The following BRCA2 variants were observed in gnomAD, a reference collection of about 807,000 sequenced individuals.
BRCA2 encodes the protein breast cancer type 2 susceptibility protein.
A neutral mutation model predicts 276.7 loss-of-function variants in BRCA2; 203 were observed. The ratio of observed to expected loss-of-function variants is 0.73; its 90% confidence interval spans 0.65 to 0.82. The LOEUF (loss-of-function observed/expected upper bound fraction) is 0.82, where lower values mean the gene tolerates loss of function less well. BRCA2 is among the 40% of genes least tolerant of loss of function. The pLI is 0.00. For missense variants in BRCA2, 3,920 were observed against 3,915.0 expected, an observed-to-expected ratio of 1.00 and a Z score of -0.03; for synonymous variants, 1,289 against 1,338.4, an observed-to-expected ratio of 0.96 and a Z score of 0.81.
intron 22 of BRCA2, 68 bp from the exon 23 acceptor site, chr13:32,379,682 A>G (rs1351160583): frequency 1.3e-6 from 2 of 1,562,756 alleles, no homozygotes; most frequent in African/African-American, 1.4e-5. Context: ...ATCTGTATTT[A>G]TTTTGAAACA....
In BRCA2 at chr13:32,399,885, C is replaced by A. The variant is rs1148320; in HGVS notation, c.*1115C>A. The A allele has an allele frequency of 1, 151,918 of 152,050 alleles. 75,893 individuals are homozygous for A. Among genetic ancestry groups the A allele is most frequent in the Middle Eastern group, 1 (294 of 294 alleles). 9.4% of individuals were successfully genotyped at this position (152,050 alleles called of 1,614,324 possible). ...CTGCAGCCTCCACTTCCCGGGTTCA[C>A]GTAATTCTCCCACCTCAAGCCTCCC... On this transcript the variant is annotated 3_prime_UTR_variant, in exon 27 of 27. Coordinates refer to ENST00000380152, the MANE Select transcript of BRCA2 (RefSeq NM_000059.4).
intron 11 of BRCA2, among the ~76,000 whole-genome samples, chr13:32,343,143 C>T (rs1266506943): frequency 6.6e-6 from 1 of 151,900 alleles, no homozygotes; most frequent in Non-Finnish European, 1.5e-5. Flanking sequence ...CATTATGTGG[C>T]AAATGACTGC....
At chr13:32,325,024 A>G (rs564490783) in intron 3 of BRCA2, 52 bp from the exon 4 acceptor site, 45 of 1,310,934 alleles carry the variant, frequency 3.4e-5, no homozygotes, top group African/African-American at 8.8e-5. Flanking sequence ...AAAGAATGCA[A>G]ATTTATAATC....
intron 13 of BRCA2, among the ~76,000 whole-genome samples, chr13:32,348,535 A>G (rs1331054994): frequency 6.6e-6 from 1 of 152,200 alleles, no homozygotes; most frequent in Non-Finnish European, 1.5e-5. Context: ...TGTAGATCTT[A>G]TATAATACAG....
In BRCA2 at chr13:32,355,030, A is replaced by G. The variant is rs80358945; in HGVS notation, c.7177A>G (p.Met2393Val). The change falls in exon 14 of 27, where the codon ATG becomes GTG. Residue 2393 changes from methionine (M) to valine (V), a missense_variant. Physicochemically the swap from Met to Val is conservative, Grantham distance 21. Coordinates refer to ENST00000380152, the MANE Select transcript of BRCA2 (RefSeq NM_000059.4). ...YQVSATRNEK[M>V]RHLITTGRPT... ...AGTTTCTGCTACAAGAAATGAAAAA[A>G]TGAGACACTTGATTACTACAGGCAG... The G allele has an allele frequency of 3.1e-6, 5 of 1,614,072 alleles. No homozygotes were observed. Among genetic ancestry groups the G allele is most frequent in the Middle Eastern group, 1.7e-4 (1 of 6,060 alleles).
chr13:32,328,700 A>G (rs780099613), intron 7 of BRCA2, among the ~76,000 whole-genome samples: 22 of 152,224 alleles, frequency 1.4e-4, no homozygotes, highest in Non-Finnish European at 2.6e-4. Context: ...ACTTCAGGTA[A>G]ACAGCGAATA....
rs1332777527 is a variant in BRCA2, at chr13:32,400,246, GAATA to G, written c.*1480_*1483del. On this transcript the variant is annotated 3_prime_UTR_variant, in exon 27 of 27. Coordinates refer to ENST00000380152, the MANE Select transcript of BRCA2 (RefSeq NM_000059.4). ...TAATTATAAATACGTTTAAAGCCAAGAATAAATCTTTTAAAAAATTGACTTGTTT... is the reference window on the plus strand; with the variant it reads ...TAATTATAAATACGTTTAAAGCCAAGAATCTTTTAAAAAATTGACTTGTTT... 3 of 152,148 alleles carry G rather than the reference GAATA, an allele frequency of 2.0e-5. No homozygotes were observed. Among genetic ancestry groups the G allele is most frequent in the Admixed American group, 6.5e-5 (1 of 15,282 alleles). 9.4% of individuals were successfully genotyped at this position (152,148 alleles called of 1,614,324 possible).
intron 3 of BRCA2, among the ~76,000 whole-genome samples, chr13:32,319,870 A>G (rs886287316): frequency 6.6e-6 from 1 of 152,242 alleles, no homozygotes; most frequent in Admixed American, 6.5e-5. Flanking sequence ...AAGAGTACAC[A>G]GATAAAGTAT....
At chr13:32,347,630 C>G (rs145909065) in intron 13 of BRCA2, among the ~76,000 whole-genome samples, 10 of 152,224 alleles carry the variant, frequency 6.6e-5, no homozygotes, top group Admixed American at 5.9e-4. Context: ...GGGAAAGATA[C>G]TAAAATGAAA....
Position 32,337,282 on chromosome 13 carries a change from C to T in BRCA2, c.2927C>T (p.Ser976Phe), listed in dbSNP as rs11571656. 3.5e-4 allele frequency: 564 copies of T among 1,612,378 alleles called. 3 individuals carry two copies. In the African/African-American group the frequency reaches 6.8e-3, roughly 19 times the overall value. ...TLGQDLKSDI[S>F]LNIDKIPEKN... ...GGTCAAGATTTAAAATCGGACATCT[C>T]CTTGAATATAGATAAAATACCAGAA... Residue 976 changes from serine to phenylalanine, a missense_variant, in exon 11 of 27, where the codon TCC (serine) becomes TTC (phenylalanine). By Grantham distance (155) the Ser-to-Phe change is radical. Around this residue, in one of 2 missense-constraint regions of BRCA2, gnomAD observed 3,263 missense variants for 3,156.9 expected, o/e 1.03. Coordinates refer to ENST00000380152, the MANE Select transcript of BRCA2 (RefSeq NM_000059.4).
chr13:32,344,810 G>A (rs761684962), intron 12 of BRCA2, among the ~76,000 whole-genome samples, 157 bp downstream of exon 12: 1 of 151,984 alleles, frequency 6.6e-6, no homozygotes, highest in Non-Finnish European at 1.5e-5. Context: ...AAAAATTACT[G>A]AGGACCTAAA....
In BRCA2 at chr13:32,380,084, T is replaced by A. The variant is rs80359179; in HGVS notation, c.9195T>A (p.Phe3065Leu). The A allele has an allele frequency of 6.2e-7, 1 of 1,614,142 alleles. No homozygotes were observed. Among genetic ancestry groups the A allele is most frequent in the Non-Finnish European group, 8.5e-7 (1 of 1,180,002 alleles). ...LHFSKFLDPD[F>L]QPSCSEVDLI... ...TCAGCAAATTTTTAGATCCAGACTT[T>A]CAGCCATCTTGTTCTGAGGTGGACC... The change falls in exon 24 of 27, where the codon TTT (phenylalanine) becomes TTA (leucine). Residue 3065 changes from phenylalanine (F) to leucine (L), a missense_variant. By Grantham distance (22) the Phe-to-Leu change is conservative. Transcript: ENST00000380152.
chr13:32,340,248 C>T lies in BRCA2; in HGVS notation c.5893C>T (p.Leu1965Phe), dbSNP rs398122542. ...SDICKCSIGKLHKSVSSANTC... is the reference protein window; with the variant it reads ...SDICKCSIGKFHKSVSSANTC... The stretch of plus-strand genomic sequence containing the variant: ...TATATGTAAATGTAGTATAGGGAAG[C>T]TTCATAAGTCAGTCTCATCTGCAAA... The change falls in exon 11 of 27, where the codon CTT (leucine) becomes TTT (phenylalanine). Residue 1965 changes from leucine to phenylalanine, a missense_variant. Leu to Phe is a conservative substitution (Grantham distance 22, BLOSUM62 0). Around this residue, in one of 2 missense-constraint regions of BRCA2, gnomAD observed 3,263 missense variants for 3,156.9 expected, o/e 1.03. Transcript: ENST00000380152. The T allele has an allele frequency of 3.1e-6, 5 of 1,613,944 alleles. No homozygotes were observed. The Admixed American group carries it at 8.3e-5, about 27-fold the overall frequency.
Position 32,340,838 on chromosome 13 carries a change from CAA to C in BRCA2, c.6485_6486del (p.Lys2162ThrfsTer13), listed in dbSNP as rs886040659. 1 of 1,592,452 alleles carries C rather than the reference CAA, an allele frequency of 6.3e-7. No homozygotes were observed. The highest frequency in any genetic ancestry group is 2.2e-5 in the East Asian group (1 of 44,688). On this transcript the variant is annotated frameshift_variant, in exon 11 of 27. Coordinates refer to ENST00000380152, the MANE Select transcript of BRCA2 (RefSeq NM_000059.4). LOFTEE classifies it high-confidence loss of function. ...CATATCTCTCTCAATTTCAACAAGA[CAA>C]ACAACAGTTGGTATTAGGAACCAAA... ...SPYLSQFQQD[K>X]QQLVLGTKVS... is the part of the protein sequence containing the mutation.
chr13:32,339,416 T>G lies in BRCA2; in HGVS notation c.5061T>G (p.Leu1687=), dbSNP rs1566231634. The G allele has an allele frequency of 6.3e-7, 1 of 1,593,376 alleles. No homozygotes were observed. The highest frequency in any genetic ancestry group is 8.5e-7 in the Non-Finnish European group (1 of 1,171,450). ...CTTCTGTGAGTCAGACTTCATTACTTGAAGCAAAAAAATGGCTTAGAGAAG... is the reference window on the plus strand; with the variant it reads ...CTTCTGTGAGTCAGACTTCATTACTGGAAGCAAAAAAATGGCTTAGAGAAG... ...RKTSVSQTSL[L]EAKKWLREGI... is the part of the protein sequence containing the mutation. The change falls in exon 11 of 27, where the codon CTT becomes CTG. Residue 1687 remains leucine (L), a synonymous_variant. Transcript: ENST00000380152.
chr13:32,337,771 A>G lies in BRCA2; in HGVS notation c.3416A>G (p.Lys1139Arg). The G allele has an allele frequency of 6.2e-7, 1 of 1,614,052 alleles. No individual in the cohort carries two copies. The highest frequency in any genetic ancestry group is 8.5e-7 in the Non-Finnish European group (1 of 1,179,936). The part of the protein sequence containing the change: ...QFRKPSYILQ[K>R]STFEVPENQM... ...AGAAAACCAAGCTACATATTGCAGA[A>G]GAGTACATTTGAAGTGCCTGAAAAC... The change falls in exon 11 of 27, where the codon AAG (lysine) becomes AGG (arginine). Residue 1139 changes from lysine to arginine, a missense_variant. Lys to Arg is a conservative substitution (Grantham distance 26, BLOSUM62 2). This residue lies in a region of BRCA2 where 3,263 missense variants were observed against 3,156.9 expected (regional missense o/e 1.03). Transcript: ENST00000380152.
chr13:32,337,092 G>T lies in BRCA2; in HGVS notation c.2737G>T (p.Asp913Tyr). The change falls in exon 11 of 27, where the codon GAC becomes TAC. Residue 913 changes from aspartate to tyrosine, a missense_variant. Asp to Tyr is a radical substitution (Grantham distance 160, BLOSUM62 -3). Transcript: ENST00000380152. ...LGNTKELHET[D>Y]LTCVNEPIFK... ...AAATACTAAGGAACTTCATGAAACA[G>T]ACTTGACTTGTGTAAACGAACCCAT... 3 of 1,613,432 alleles carry T rather than the reference G, an allele frequency of 1.9e-6. No individual in the cohort carries two copies. Among genetic ancestry groups the T allele is most frequent in the Non-Finnish European group, 2.5e-6 (3 of 1,179,832 alleles).
chr13:32,342,335 G>C (rs1414225068), intron 11 of BRCA2, among the ~76,000 whole-genome samples: 1 of 151,886 alleles, frequency 6.6e-6, no homozygotes, highest in Non-Finnish European at 1.5e-5. Context: ...AGTAGGCAGA[G>C]AGCATTCAGT....
chr13:32,395,080 C>T, intron 25 of BRCA2, 147 bp downstream of exon 25: 1 of 1,110,092 alleles, frequency 9.0e-7, no homozygotes, highest in Non-Finnish European at 1.3e-6. Context: ...CCATGAACCT[C>T]AGGAGATGGG....
Sources: allele counts gnomAD v4.1 joint callset (sites outside exome capture counted in the v4.1 genomes callset), GRCh38; gene constraint gnomAD v4.1.1; regional missense constraint gnomAD v4.1.1; transcripts MANE v1.5; gene names NCBI Gene and HGNC (gene_info 2026-07-23, HGNC 2026-07-21).